The following PTPRN2 variants were observed in gnomAD, a reference collection of about 807,000 sequenced individuals.
PTPRN2 encodes protein tyrosine phosphatase receptor type N2, also known as receptor-type tyrosine-protein phosphatase N2.
PTPRN2 carries 74 observed loss-of-function variants against 118.8 expected under a neutral mutation model. The ratio of observed to expected loss-of-function variants is 0.62; its 90% CI spans 0.52 to 0.76. PTPRN2 has a LOEUF of 0.76. PTPRN2 is among the 30% of genes least tolerant of loss of function. The pLI, the probability that PTPRN2 is intolerant of heterozygous loss-of-function variation, is 0.00. For missense variants in PTPRN2, 1,481 were observed against 1,394.4 expected (o/e 1.06, Z -0.99); for synonymous variants, 641 against 608.0 (o/e 1.05, Z -0.80).
chr7:157,559,313 C>A (rs1465704811), intron 21 of PTPRN2, among the ~76,000 whole-genome samples: 1 of 152,132 alleles, frequency 6.6e-6, no homozygotes, highest in Non-Finnish European at 1.5e-5. Flanking sequence ...GTTGGGCCTG[C>A]GGGCTGGGCA....
At chr7:157,822,802 C>G (rs1277524509) in intron 12 of PTPRN2, among the ~76,000 whole-genome samples, 1 of 151,920 alleles carries the variant, frequency 6.6e-6, no homozygotes, top group Non-Finnish European at 1.5e-5. Context: ...ATCAGCCCAT[C>G]CATCCATCCA....
intron 12 of PTPRN2, among the ~76,000 whole-genome samples, chr7:157,695,488 TA>T (rs1797720927): frequency 6.6e-6 from 1 of 152,158 alleles, no homozygotes; most frequent in East Asian, 1.9e-4. Flanking sequence ...AATAGATCCT[TA>T]AAAATATTGT....
In PTPRN2 at chr7:157,785,996, G is replaced by A. The variant is rs926950766; in HGVS notation, c.1789-103059C>T. ...CGGCTCTGGGTGCTGCTGCTCCCAG[G>A]AGAGATGGTCCCGTGCAAGTGCCAG... On this transcript the variant is annotated intron_variant, in intron 12 of 22. Coordinates refer to ENST00000389418, the MANE Select transcript of PTPRN2 (RefSeq NM_002847.5). This position sits in a 1 kb window ranked among gnomAD's most constrained non-coding sequence, Gnocchi z 7.3. Among the ~76,000 whole-genome samples, 1 of 152,192 alleles carries A rather than the reference G, an allele frequency of 6.6e-6. No individual in the cohort carries two copies. The highest frequency in any genetic ancestry group is 2.4e-5 in the African/African-American group (1 of 41,442).
rs1259965095 is a variant in PTPRN2, at chr7:158,577,445, G to C, written c.112+10113C>G. 4.9e-3 allele frequency among the ~76,000 whole-genome samples: 385 copies of C among 78,374 alleles called. 1 individual carries two copies. The highest frequency in any genetic ancestry group is 0.016 in the African/African-American group (302 of 18,776). The allele number at this position is 78,374 out of a possible 152,430, so 51.4% of individuals were successfully genotyped here. On this transcript the variant is annotated intron_variant, in intron 1 of 22. Transcript: ENST00000389418. ...TGGGGCCTACACAACACTGAGGGCT[G>C]CCCACCCTGCCTGATGCCACAGACA...
chr7:157,771,788 CACAG>C (rs1802833220), intron 12 of PTPRN2, among the ~76,000 whole-genome samples: 1 of 67,224 alleles, frequency 1.5e-5, no homozygotes, highest in Middle Eastern at 6.2e-3. Context: ...GACACACACT[CACAG>C]ACACAGACAC....
intron 4 of PTPRN2, among the ~76,000 whole-genome samples, chr7:158,196,008 C>T (rs891340102): frequency 3.9e-5 from 6 of 152,196 alleles, no homozygotes; most frequent in African/African-American, 1.4e-4. Flanking sequence ...CAGCAATTAT[C>T]TATGACAAAT....
intron 6 of PTPRN2, among the ~76,000 whole-genome samples, chr7:158,139,075 C>T (rs1016551187): frequency 6.6e-6 from 1 of 152,124 alleles, no homozygotes; most frequent in African/African-American, 2.4e-5. Context: ...GTAACTGCTG[C>T]CGGAAAAGCC....
intron 12 of PTPRN2, among the ~76,000 whole-genome samples, chr7:157,741,141 T>C (rs2150962393): frequency 6.6e-6 from 1 of 152,306 alleles, no homozygotes; most frequent in South Asian, 2.1e-4. Flanking sequence ...ACAGGCTCCA[T>C]GACGGCAAAG....
Position 158,409,426 on chromosome 7 carries a change from C to T in PTPRN2, c.163+80309G>A, listed in dbSNP as rs140364373. Among the ~76,000 whole-genome samples, 57 of 152,274 alleles carry T rather than the reference C, an allele frequency of 3.7e-4. No individual in the cohort carries two copies. The East Asian group carries it at 9.1e-3, about 24-fold the overall frequency. ...TACCCAGGACCTACCCAGGCATGAG[C>T]GTGGAGAGGGCACAGAAGACCTGGT... On this transcript the variant is annotated intron_variant, in intron 2 of 22. Transcript: ENST00000389418.
At chr7:157,897,050 G>C (rs182299393) in intron 12 of PTPRN2, among the ~76,000 whole-genome samples, 1 of 152,076 alleles carries the variant, frequency 6.6e-6, no homozygotes, top group Non-Finnish European at 1.5e-5. Flanking sequence ...TACAGCAGAG[G>C]GTCCCAGCCT....
intron 3 of PTPRN2, among the ~76,000 whole-genome samples, chr7:158,296,124 G>A (rs1286679374): frequency 6.6e-6 from 1 of 152,094 alleles, no homozygotes; most frequent in African/African-American, 2.4e-5. Context: ...GTGCCCAAAT[G>A]TTGCATTTCC....
At chr7:157,736,687 G>A in intron 12 of PTPRN2, among the ~76,000 whole-genome samples, 1 of 152,182 alleles carries the variant, frequency 6.6e-6, no homozygotes, top group Non-Finnish European at 1.5e-5. Flanking sequence ...CAGACGGCTT[G>A]GGGAGCATGG....
chr7:158,552,605 C>G (rs528436402), intron 1 of PTPRN2, among the ~76,000 whole-genome samples: 141 of 152,242 alleles, frequency 9.3e-4, no homozygotes, highest in Non-Finnish European at 1.7e-3. Flanking sequence ...CACCACCATG[C>G]CCTGCTAATT....
chr7:157,857,540 T>A, intron 12 of PTPRN2: 1 of 152,228 alleles, frequency 6.6e-6, no homozygotes, highest in Admixed American at 6.5e-5. Context: ...CTGCTCCTAC[T>A]CATGCCAGGT....
At chr7:158,153,073 C>T (rs540838550) in intron 6 of PTPRN2, among the ~76,000 whole-genome samples, 3 of 152,012 alleles carry the variant, frequency 2.0e-5, no homozygotes, top group Admixed American at 6.5e-5. Flanking sequence ...AGCAGGCCAC[C>T]GACTGGGGGG....
rs116961274 is a variant in PTPRN2 at position 158,322,649 on chromosome 7, G to A, written c.164-5717C>T. On this transcript the variant is annotated intron_variant, in intron 2 of 22. Transcript: ENST00000389418. ...CCCTGGTCAGCCCCAGTGGGCAGTG[G>A]GGACAAGGCCTTGCAGTTCTGGATC... Among the ~76,000 whole-genome samples, 397 of 93,644 alleles carry A rather than the reference G, an allele frequency of 4.2e-3. 8 individuals are homozygous for A. The highest frequency in any genetic ancestry group is 0.036 in the Admixed American group (321 of 9,014). The allele number at this position is 93,644 out of a possible 152,430, so 61.4% of individuals were successfully genotyped here. A position where few individuals can be genotyped will look rare whatever the true frequency, so the allele number is the denominator to read the frequency against.
chr7:158,023,350 C>G (rs1807042333), intron 11 of PTPRN2, among the ~76,000 whole-genome samples: 1 of 152,170 alleles, frequency 6.6e-6, no homozygotes, highest in Admixed American at 6.5e-5. Context: ...TGAGGCTCTG[C>G]TCCCATGGCT....
At position 157,987,419 on chromosome 7, in the gene PTPRN2, C is replaced by T. The variant is rs767384198; in HGVS notation, c.1724-88682G>A. ...TATGACCCCTCACTAATGGGGTGATCGGTCACTAAACGGGGTGAGATGACA... is the reference window on the plus strand; with the variant it reads ...TATGACCCCTCACTAATGGGGTGATTGGTCACTAAACGGGGTGAGATGACA... On this transcript the variant is annotated intron_variant, in intron 11 of 22. Transcript: ENST00000389418. The surrounding 1 kb of genome is among the most constrained non-coding windows in gnomAD (Gnocchi z 4.3). Among the ~76,000 whole-genome samples, 14 of 151,686 alleles carry T rather than the reference C, an allele frequency of 9.2e-5. No individual in the cohort carries two copies. The highest frequency in any genetic ancestry group is 3.9e-4 in the East Asian group (2 of 5,162).
intron 6 of PTPRN2, among the ~76,000 whole-genome samples, chr7:158,165,032 A>G (rs1215724153): frequency 7.3e-5 from 11 of 151,618 alleles, no homozygotes; most frequent in African/African-American, 2.4e-4. Flanking sequence ...AAGACCCCCG[A>G]TGGTGTCTAG....
Sources: gnomAD v4.1 joint callset for allele counts (sites outside exome capture counted in the v4.1 genomes callset) on GRCh38, gnomAD v4.1.1 for gene constraint, Gnocchi (gnomAD v3.1) non-coding constraint, MANE v1.5 for transcripts, NCBI Gene and HGNC (gene_info 2026-07-23, HGNC 2026-07-21) for gene names.